Variants in FARS2 observed in about 807,000 individuals in gnomAD.
FARS2 encodes phenylalanine--tRNA ligase, mitochondrial.
A neutral mutation model predicts 46.4 loss-of-function variants in FARS2; 40 were observed. That is an observed-to-expected ratio of 0.86 (90% CI 0.67 to 1.12). FARS2 has a LOEUF of 1.12. Ranked by LOEUF, FARS2 falls within the 50% of genes most tolerant of loss-of-function variation. The pLI, the probability that FARS2 is intolerant of heterozygous loss-of-function variation, is 0.00. For synonymous variants in FARS2, 234 were observed against 214.9 expected, an observed-to-expected ratio of 1.09 and a Z score of -0.78; for missense variants, 513 against 567.9, an observed-to-expected ratio of 0.90 and a Z score of 0.98.
intron 4 of FARS2, among the ~76,000 whole-genome samples, chr6:5,509,637 G>T (rs1185543880): frequency 6.6e-6 from 1 of 152,182 alleles, no homozygotes; most frequent in Non-Finnish European, 1.5e-5. Flanking sequence ...ATGGAGAAAA[G>T]GATGTCCAGA....
rs577789835 is a variant in FARS2 at position 5,664,556 on chromosome 6, A to G, written c.1217+51236A>G. On this transcript the variant is annotated intron_variant, in intron 6 of 6. Coordinates refer to ENST00000274680, the MANE Select transcript of FARS2 (RefSeq NM_006567.5). Reference sequence around the variant, plus strand: ...CCTCCACTTCTGTTTTAAATGAATAATTAATCCATTAAAAGCATCATCTCA... The same window carrying G: ...CCTCCACTTCTGTTTTAAATGAATAGTTAATCCATTAAAAGCATCATCTCA... Among the ~76,000 whole-genome samples, 30 of 152,338 alleles carry G rather than the reference A, an allele frequency of 2.0e-4. No homozygotes were observed. The South Asian group carries it at 2.1e-3, about 11-fold the overall frequency.
At chr6:5,342,289 A>G (rs918738060) in intron 1 of FARS2, among the ~76,000 whole-genome samples, 3 of 152,248 alleles carry the variant, frequency 2.0e-5, no homozygotes, top group Admixed American at 6.5e-5. Flanking sequence ...ACAATAATCA[A>G]CAGTTGCACT....
At chr6:5,526,981 A>C (rs747848506) in intron 4 of FARS2, among the ~76,000 whole-genome samples, 1 of 152,232 alleles carries the variant, frequency 6.6e-6, no homozygotes, top group Non-Finnish European at 1.5e-5. Flanking sequence ...CAAGAATTTC[A>C]TCAAGGGGTG....
chr6:5,353,149 CA>C (rs1757680957), intron 1 of FARS2, among the ~76,000 whole-genome samples: 1 of 152,174 alleles, frequency 6.6e-6, no homozygotes, highest in South Asian at 2.1e-4. Context: ...TGAGTGAGAT[CA>C]TGTGATTTTT....
At chr6:5,688,993 G>A (rs926092004) in intron 6 of FARS2, among the ~76,000 whole-genome samples, 3 of 152,196 alleles carry the variant, frequency 2.0e-5, no homozygotes, top group African/African-American at 7.2e-5. Flanking sequence ...TTGCATAGAG[G>A]TGTTTATAGT....
At chr6:5,657,530 G>A (rs937759485) in intron 6 of FARS2, among the ~76,000 whole-genome samples, 2 of 152,128 alleles carry the variant, frequency 1.3e-5, no homozygotes, top group African/African-American at 2.4e-5. Flanking sequence ...CTGAAGATGC[G>A]GGAAGGCAGT....
chr6:5,399,569 T>A (rs942157205), intron 2 of FARS2, among the ~76,000 whole-genome samples: 1 of 152,302 alleles, frequency 6.6e-6, no homozygotes. Context: ...TGCCATTCAT[T>A]ATACTCTATT....
At chr6:5,556,585 C>T (rs1454773346) in intron 5 of FARS2, among the ~76,000 whole-genome samples, 1 of 151,688 alleles carries the variant, frequency 6.6e-6, no homozygotes, top group African/African-American at 2.4e-5. Context: ...GGTCTATGGG[C>T]TGATTTTTTT....
At chr6:5,586,017 TC>T (rs1207735975) in intron 5 of FARS2, among the ~76,000 whole-genome samples, 1 of 152,180 alleles carries the variant, frequency 6.6e-6, no homozygotes, top group Non-Finnish European at 1.5e-5. Flanking sequence ...TGATTTTTTT[TC>T]AGGTAGTTTA....
intron 6 of FARS2, among the ~76,000 whole-genome samples, chr6:5,681,101 C>G (rs80211148): frequency 2.1e-3 from 319 of 152,308 alleles, no homozygotes; most frequent in Admixed American, 5.0e-3. Flanking sequence ...TACCCTTGAT[C>G]TGGTAATTCT....
At chr6:5,476,191 C>T (rs780301454) in intron 4 of FARS2, among the ~76,000 whole-genome samples, 32 of 152,244 alleles carry the variant, frequency 2.1e-4, no homozygotes, top group Non-Finnish European at 3.7e-4. Context: ...CAGCCCCCGG[C>T]GAACGGGAGA....
At chr6:5,725,347 G>A (rs1328494136) in intron 6 of FARS2, among the ~76,000 whole-genome samples, 1 of 152,244 alleles carries the variant, frequency 6.6e-6, no homozygotes, top group Non-Finnish European at 1.5e-5. Context: ...GCCAGAGTAA[G>A]AAGTTGGAAC....
chr6:5,482,135 C>CT (rs34255950), intron 4 of FARS2, among the ~76,000 whole-genome samples: 188 of 149,230 alleles, frequency 1.3e-3, no homozygotes, highest in Middle Eastern at 3.4e-3. Flanking sequence ...CAGCTTACAT[C>CT]TTTTTTTTTT....
intron 4 of FARS2, among the ~76,000 whole-genome samples, chr6:5,474,663 G>GT (rs760857089): frequency 0.11 from 14,051 of 133,652 alleles, 1,357 homozygotes; most frequent in African/African-American, 0.23. Flanking sequence ...ATACAGTACT[G>GT]TTTTTTTTTT....
chr6:5,734,010 T>C (rs1329615604), intron 6 of FARS2, among the ~76,000 whole-genome samples: 4 of 152,208 alleles, frequency 2.6e-5, no homozygotes, highest in African/African-American at 9.7e-5. Context: ...TAATCACCAT[T>C]GCTGTTGTAA....
chr6:5,444,606 A>AT (rs1204931111), intron 4 of FARS2, among the ~76,000 whole-genome samples: 2 of 151,462 alleles, frequency 1.3e-5, no homozygotes, highest in East Asian at 1.9e-4. Flanking sequence ...AGGGCAGGGA[A>AT]TTTTTTTGGT....
At chr6:5,666,269 C>A (rs1362066787) in intron 6 of FARS2, among the ~76,000 whole-genome samples, 1 of 152,102 alleles carries the variant, frequency 6.6e-6, no homozygotes, top group Non-Finnish European at 1.5e-5. Flanking sequence ...TAAGAGTCAA[C>A]AATATTGTTT....
chr6:5,414,960 A>G (rs2432767), intron 3 of FARS2, among the ~76,000 whole-genome samples: 150,614 of 151,744 alleles, frequency 0.99, 74,773 homozygotes, highest in Middle Eastern at 1. Context: ...GATTACAGGC[A>G]CCCGCCACCA....
At chr6:5,544,954 T>C (rs1234395062) in intron 4 of FARS2, among the ~76,000 whole-genome samples, 1 of 152,130 alleles carries the variant, frequency 6.6e-6, no homozygotes. Flanking sequence ...AAGACAGTAC[T>C]CCAGACAGTA....
Sources: allele counts gnomAD v4.1 joint callset (sites outside exome capture counted in the v4.1 genomes callset), GRCh38; gene constraint gnomAD v4.1.1; transcripts MANE v1.5; gene names NCBI Gene and HGNC (gene_info 2026-07-23, HGNC 2026-07-21).